MICU1: variants seen among roughly 807,000 people sequenced by gnomAD.
MICU1 encodes mitochondrial calcium uptake 1, also known as calcium uptake protein 1, mitochondrial.
Under a neutral mutation model 56.8 loss-of-function variants are expected in MICU1, and 45 were observed. The observed-to-expected ratio is 0.79, with a 90% CI of 0.62 to 1.02. MICU1 has a LOEUF of 1.02. MICU1 is among the 50% of genes least tolerant of loss of function. The probability of loss-of-function intolerance (pLI) is 0.00; values close to 1 mark genes in which losing one functional copy is unlikely to be tolerated. For synonymous variants in MICU1, 186 were observed against 195.1 expected, an observed-to-expected ratio of 0.95 and a Z score of 0.39; for missense variants, 504 against 587.1, an observed-to-expected ratio of 0.86 and a Z score of 1.46.
chr10:72,533,256 T>A, intron 5 of MICU1: 2 of 686,144 alleles, frequency 2.9e-6, no homozygotes, highest in Non-Finnish European at 4.2e-6. Context: ...TATTATTTAT[T>A]CAGGTATAAA....
intron 5 of MICU1, among the ~76,000 whole-genome samples, chr10:72,521,611 T>C (rs1048267252): frequency 3.9e-5 from 6 of 152,084 alleles, no homozygotes; most frequent in African/African-American, 1.2e-4. Flanking sequence ...AGAAGTCACA[T>C]AAGTAGCCAA....
At chr10:72,371,362 G>C (rs1371291822) in intron 11 of MICU1, among the ~76,000 whole-genome samples, 1 of 142,952 alleles carries the variant, frequency 7.0e-6, no homozygotes, top group Non-Finnish European at 1.5e-5. Context: ...ACTCCAGCCT[G>C]GGCAACACAG....
intron 3 of MICU1, among the ~76,000 whole-genome samples, chr10:72,559,476 A>G (rs1840238483): frequency 6.6e-6 from 1 of 151,720 alleles, no homozygotes; most frequent in East Asian, 1.9e-4. Context: ...TTTTTCTCTG[A>G]ATATTTGAAA....
At chr10:72,500,418 G>A (rs1216895649) in intron 6 of MICU1, among the ~76,000 whole-genome samples, 1 of 145,132 alleles carries the variant, frequency 6.9e-6, no homozygotes, top group Non-Finnish European at 1.5e-5. Context: ...TGCCTCCCAG[G>A]TTCAAGCGAT....
intron 6 of MICU1, among the ~76,000 whole-genome samples, chr10:72,504,369 A>C (rs1564907142): frequency 6.6e-6 from 1 of 152,186 alleles, no homozygotes; most frequent in Non-Finnish European, 1.5e-5. Flanking sequence ...AAAAATAAAC[A>C]ATGGAGAAAG....
chr10:72,435,158 G>A (rs1177431722), intron 8 of MICU1, among the ~76,000 whole-genome samples: 1 of 152,018 alleles, frequency 6.6e-6, no homozygotes, highest in African/African-American at 2.4e-5. Flanking sequence ...TTGGAGGGAA[G>A]GTGGGAGTAC....
chr10:72,489,152 T>A (rs975996604), intron 6 of MICU1, among the ~76,000 whole-genome samples: 106 of 152,022 alleles, frequency 7.0e-4, no homozygotes, highest in African/African-American at 2.5e-3. Context: ...TAGCTGGGCA[T>A]AGTGGCACAT....
chr10:72,544,424 G>A (rs1180149329), intron 4 of MICU1, among the ~76,000 whole-genome samples: 1 of 152,120 alleles, frequency 6.6e-6, no homozygotes, highest in Non-Finnish European at 1.5e-5. Context: ...AATATGATCT[G>A]TGTTTCCCTC....
intron 1 of MICU1, among the ~76,000 whole-genome samples, chr10:72,569,935 T>C (rs1408917655): frequency 2.0e-5 from 3 of 152,100 alleles, no homozygotes; most frequent in Non-Finnish European, 4.4e-5. Context: ...CACAGTTCAC[T>C]GATTCCTAAA....
At chr10:72,490,367 T>C (rs1479772826) in intron 6 of MICU1, among the ~76,000 whole-genome samples, 3 of 152,148 alleles carry the variant, frequency 2.0e-5, no homozygotes, top group Admixed American at 6.6e-5. Flanking sequence ...TAACACATAA[T>C]ACTAAGAAAA....
intron 8 of MICU1, among the ~76,000 whole-genome samples, chr10:72,433,594 A>AT (rs1443573171): frequency 6.6e-6 from 1 of 151,680 alleles, no homozygotes; most frequent in Admixed American, 6.6e-5. Context: ...CGCCTGGCTA[A>AT]TTTTTTTGTA....
intron 8 of MICU1, among the ~76,000 whole-genome samples, chr10:72,464,428 C>CATTT (rs763248099): frequency 2.6e-5 from 4 of 151,830 alleles, no homozygotes; most frequent in Non-Finnish European, 5.9e-5. Context: ...CTTGCTGTGG[C>CATTT]ATTTCCTCAC....
chr10:72,593,320 C>T (rs1196830735), intron 1 of MICU1, among the ~76,000 whole-genome samples: 1 of 151,976 alleles, frequency 6.6e-6, no homozygotes, highest in East Asian at 1.9e-4. Flanking sequence ...CAAAAAGCAG[C>T]CAGGCGTGGT....
intron 7 of MICU1, chr10:72,475,949 AGGTGT>A (rs1370098613): frequency 2.2e-6 from 1 of 454,612 alleles, no homozygotes; most frequent in East Asian, 7.0e-5. Flanking sequence ...TCTCATGACC[AGGTGT>A]GGTGGCTCAT....
At chr10:72,448,189 ATATATTTTTTTT>A (rs1865177499) in intron 8 of MICU1, among the ~76,000 whole-genome samples, 1 of 55,316 alleles carries the variant, frequency 1.8e-5, no homozygotes, top group African/African-American at 5.5e-5. Flanking sequence ...ATATATATAT[ATATATTTTTTTT>A]TTTTTTTTTT....
chr10:72,502,153 T>TTG (rs1340123475), intron 6 of MICU1, among the ~76,000 whole-genome samples: 5 of 102,718 alleles, frequency 4.9e-5, no homozygotes, highest in African/African-American at 1.4e-4. Flanking sequence ...GCTGTTTTTT[T>TTG]TTTTGTTTTT....
chr10:72,512,577 T>G (rs1296799237), intron 5 of MICU1, among the ~76,000 whole-genome samples: 1 of 152,208 alleles, frequency 6.6e-6, no homozygotes, highest in Admixed American at 6.5e-5. Flanking sequence ...ATTTCCACCT[T>G]TTGGTTATTC....
At chr10:72,465,317 T>G (rs1037239215) in intron 8 of MICU1, among the ~76,000 whole-genome samples, 50 of 150,452 alleles carry the variant, frequency 3.3e-4, no homozygotes, top group Middle Eastern at 3.4e-3. Flanking sequence ...TTGTTTTTTT[T>G]TTTTTTTTTG....
intron 9 of MICU1, among the ~76,000 whole-genome samples, chr10:72,416,739 G>A (rs1213543140): frequency 6.6e-6 from 1 of 152,064 alleles, no homozygotes; most frequent in Non-Finnish European, 1.5e-5. Flanking sequence ...AGTTCGAATT[G>A]TACTTCCTCT....
Sources: allele counts gnomAD v4.1 joint callset (sites outside exome capture counted in the v4.1 genomes callset), GRCh38; gene constraint gnomAD v4.1.1; transcripts MANE v1.5; gene names NCBI Gene and HGNC (gene_info 2026-07-23, HGNC 2026-07-21).